Variants in TRAPPC8 observed in about 807,000 individuals in gnomAD.
TRAPPC8 encodes trafficking protein particle complex subunit 8.
TRAPPC8 carries 54 observed loss-of-function variants against 174.3 expected under a neutral mutation model. The observed-to-expected ratio is 0.31, with a 90% CI of 0.25 to 0.39. TRAPPC8 has a LOEUF of 0.39. TRAPPC8 is among the 10% of genes least tolerant of loss of function. The pLI, the probability that TRAPPC8 is intolerant of heterozygous loss-of-function variation, is 1.00. For missense variants in TRAPPC8, 1,531 were observed against 1,699.1 expected, an observed-to-expected ratio of 0.90 and a Z score of 1.74; for synonymous variants, 630 against 579.9, an observed-to-expected ratio of 1.09 and a Z score of -1.24.
rs761082415 is a variant in TRAPPC8, at chr18:31,916,303, A to G, written c.586T>C (p.Leu196=). 1 of 1,588,664 alleles carries G rather than the reference A, an allele frequency of 6.3e-7. No individual in the cohort carries two copies. The highest frequency in any genetic ancestry group is 1.4e-5 in the African/African-American group (1 of 73,648). Residue 196 remains leucine, a synonymous_variant, in exon 4 of 29, where the codon TTA becomes CTA. Transcript: ENST00000283351. ...TCATCTCCTGCACTTACATCATGTA[A>G]AAGTACATAGTATTTAAGTGTATTT... The part of the protein sequence containing the change: ...IPNTLKYYVL[L]HDVSAGDEQR...
At chr18:31,925,071 T>C (rs1034330533) in intron 2 of TRAPPC8, among the ~76,000 whole-genome samples, 1 of 152,052 alleles carries the variant, frequency 6.6e-6, no homozygotes, top group Non-Finnish European at 1.5e-5. Flanking sequence ...TTAAACCTAT[T>C]CTTAGCCTTA....
At chr18:31,851,874 T>A (rs1435833487) in intron 24 of TRAPPC8, among the ~76,000 whole-genome samples, 1 of 151,832 alleles carries the variant, frequency 6.6e-6, no homozygotes, top group Non-Finnish European at 1.5e-5. Context: ...TAATCTTGCT[T>A]TTTAAAAAAA....
intron 2 of TRAPPC8, among the ~76,000 whole-genome samples, chr18:31,923,098 A>AT (rs1319088495): frequency 1.3e-5 from 2 of 152,220 alleles, no homozygotes; most frequent in Non-Finnish European, 2.9e-5. Flanking sequence ...TCCTTTTAAA[A>AT]TAAGATGCAG....
chr18:31,901,115 G>GT (rs3833187), intron 9 of TRAPPC8, 90 bp from the exon 10 acceptor site: 240,545 of 944,080 alleles, frequency 0.25, 17,127 homozygotes, highest in South Asian at 0.43. Flanking sequence ...GAAATTTGCT[G>GT]TTTTTTTTTT....
intron 12 of TRAPPC8, among the ~76,000 whole-genome samples, chr18:31,878,961 G>A (rs938228033): frequency 6.6e-6 from 1 of 152,086 alleles, no homozygotes; most frequent in Non-Finnish European, 1.5e-5. Flanking sequence ...CAATACCAGA[G>A]CATCCAAATT....
In TRAPPC8 at chr18:31,907,469, A is replaced by G; in HGVS notation, c.1380T>C (p.Ala460=). The change falls in exon 9 of 29, where the codon GCT becomes GCC. Residue 460 remains alanine (A), a synonymous_variant. Coordinates refer to ENST00000283351, the MANE Select transcript of TRAPPC8 (RefSeq NM_014939.5). ...ACCATAGAATACCAACCAAGGCACCAGCTGCATAAAGCATTGCTTGATCAT... is the reference window on the plus strand; with the variant it reads ...ACCATAGAATACCAACCAAGGCACCGGCTGCATAAAGCATTGCTTGATCAT... ...FLNDQAMLYA[A]GALEMAAVSA... 6.3e-7 allele frequency: 1 copy of G among 1,595,288 alleles called. No homozygotes were observed. Among genetic ancestry groups the G allele is most frequent in the Non-Finnish European group, 8.6e-7 (1 of 1,169,448 alleles).
At chr18:31,855,883 G>C (rs1409440350) in intron 20 of TRAPPC8, 76 bp from the exon 21 acceptor site, 1 of 1,467,828 alleles carries the variant, frequency 6.8e-7, no homozygotes, top group African/African-American at 1.5e-5. Flanking sequence ...TCCAAATAAA[G>C]ATTTTAAAAA....
Position 31,849,670 on chromosome 18 carries a change from G to C in TRAPPC8, c.3631C>G (p.Gln1211Glu), listed in dbSNP as rs150238028. ...TCTGTATGCACAGGCAAGTGAGCTT[G>C]TGGTTTTTTCAATTCAGAAGATAAA... ...RSLSSELKKP[Q>E]AHLPVHTEKQ... Residue 1211 changes from glutamine to glutamate, a missense_variant, in exon 25 of 29, where the codon CAA becomes GAA. By Grantham distance (29) the Gln-to-Glu change is conservative. Coordinates refer to ENST00000283351, the MANE Select transcript of TRAPPC8 (RefSeq NM_014939.5). The C allele has an allele frequency of 1.2e-5, 19 of 1,612,468 alleles. No individual in the cohort carries two copies. The African/African-American group carries it at 2.5e-4, about 22-fold the overall frequency.
At chr18:31,880,712 T>C (rs967388685) in intron 12 of TRAPPC8, among the ~76,000 whole-genome samples, 16 of 152,034 alleles carry the variant, frequency 1.1e-4, no homozygotes, top group Admixed American at 9.8e-4. Flanking sequence ...GGAAGTGAAA[T>C]GATCTTTGTT....
In TRAPPC8 at chr18:31,908,735, C is replaced by T; in HGVS notation, c.1122+19G>A. 6.6e-6 allele frequency: 10 copies of T among 1,519,872 alleles called. No homozygotes were observed. The highest frequency in any genetic ancestry group is 7.9e-6 in the Non-Finnish European group (9 of 1,133,804). 94.1% of individuals were successfully genotyped at this position (1,519,872 alleles called of 1,614,324 possible). On this transcript the variant is annotated intron_variant, in intron 7 of 28. Transcript: ENST00000283351. ...TTACTTAAATTTTTAAAATACTAAT[C>T]CAAAAAATCAAACCTTACCTGATCG...
At chr18:31,902,307 G>A (rs932649551) in intron 9 of TRAPPC8, among the ~76,000 whole-genome samples, 3 of 152,104 alleles carry the variant, frequency 2.0e-5, no homozygotes, top group African/African-American at 7.2e-5. Flanking sequence ...CTCTGGCCTG[G>A]GCAACAGAGT....
At chr18:31,876,882 G>A (rs1412418437) in intron 12 of TRAPPC8, among the ~76,000 whole-genome samples, 1 of 152,120 alleles carries the variant, frequency 6.6e-6, no homozygotes, top group African/African-American at 2.4e-5. Context: ...AGGCATGCCC[G>A]CCCTCCTTTC....
At chr18:31,863,705 G>C (rs1272324847) in intron 19 of TRAPPC8, among the ~76,000 whole-genome samples, 1 of 152,062 alleles carries the variant, frequency 6.6e-6, no homozygotes, top group Non-Finnish European at 1.5e-5. Flanking sequence ...CCCCCTACTA[G>C]AATAACTTGA....
In TRAPPC8 at chr18:31,903,112, G is replaced by C. The variant is rs148974055; in HGVS notation, c.1390-2087C>G. Reference sequence around the variant, plus strand: ...TGTCCTGCTTTTTGATTGCGCGCGTGCGTGCGTGCGTGTGTGTGTGTGTGT... The same window carrying C: ...TGTCCTGCTTTTTGATTGCGCGCGTCCGTGCGTGCGTGTGTGTGTGTGTGT... On this transcript the variant is annotated intron_variant, in intron 9 of 28. Transcript: ENST00000283351. Among the ~76,000 whole-genome samples the C allele has an allele frequency of 4.1e-4, 37 of 90,074 alleles. No homozygotes were observed. The East Asian group carries it at 0.022, about 54-fold the overall frequency. 59.1% of individuals were successfully genotyped at this position (90,074 alleles called of 152,430 possible).
At chr18:31,868,629 T>A (rs1297295830) in intron 16 of TRAPPC8, among the ~76,000 whole-genome samples, 1 of 152,164 alleles carries the variant, frequency 6.6e-6, no homozygotes, top group African/African-American at 2.4e-5. Flanking sequence ...ATATAAATAA[T>A]ACAAAATATC....
chr18:31,872,625 T>C (rs2034926762), intron 14 of TRAPPC8, among the ~76,000 whole-genome samples: 3 of 152,146 alleles, frequency 2.0e-5, no homozygotes, highest in Non-Finnish European at 4.4e-5. Context: ...TTCACCATGT[T>C]GGCCAGGATG....
At chr18:31,915,481 C>G (rs7505699) in intron 4 of TRAPPC8, among the ~76,000 whole-genome samples, 64,850 of 131,344 alleles carry the variant, frequency 0.49, 17,109 homozygotes, top group Middle Eastern at 0.67. Flanking sequence ...GGGGGGGGGG[C>G]GCAGGCGCAG....
chr18:31,906,322 A>C (rs1037471463), intron 9 of TRAPPC8, among the ~76,000 whole-genome samples: 5 of 151,628 alleles, frequency 3.3e-5, no homozygotes, highest in Non-Finnish European at 7.4e-5. Context: ...AAAAAAAAAA[A>C]AGTGGGCTGA....
Position 31,881,708 on chromosome 18 carries a change from G to A in TRAPPC8, c.1729-7004C>T, listed in dbSNP as rs1258066005. ...AGAAACTATTAGCAGAATAAATAAC[G>A]TCCAAAATCTGAGAAAATACTTGCA... On this transcript the variant is annotated intron_variant, in intron 12 of 28. Coordinates refer to ENST00000283351, the MANE Select transcript of TRAPPC8 (RefSeq NM_014939.5). Among the ~76,000 whole-genome samples the A allele has an allele frequency of 4.0e-5, 6 of 151,748 alleles. No individual in the cohort carries two copies. The East Asian group carries it at 5.8e-4, about 15-fold the overall frequency.
Sources: gnomAD v4.1 joint callset for allele counts (sites outside exome capture counted in the v4.1 genomes callset) on GRCh38, gnomAD v4.1.1 for gene constraint, MANE v1.5 for transcripts, NCBI Gene and HGNC (gene_info 2026-07-23, HGNC 2026-07-21) for gene names.